RIN2: variants seen among roughly 807,000 people sequenced by gnomAD.
The protein encoded by RIN2 is RAB5 interacting protein 2.
RIN2 carries 36 observed loss-of-function variants against 78.0 expected under a neutral mutation model. The observed-to-expected ratio is 0.46, with a 90% confidence interval of 0.35 to 0.61. The LOEUF is 0.61. Ranked by LOEUF, RIN2 falls within the 20% of genes least tolerant of loss-of-function variation. The pLI, the probability that RIN2 is intolerant of heterozygous loss-of-function variation, is 0.00. For synonymous variants in RIN2, 466 were observed against 466.8 expected (o/e 1.00, Z 0.02); for missense variants, 1,087 against 1,159.7 (o/e 0.94, Z 0.91).
In RIN2 at chr20:19,808,009, A is replaced by G. The variant is rs1229186538; in HGVS notation, c.-37+8262A>G. On this transcript the variant is annotated intron_variant, in intron 2 of 12. Transcript: ENST00000255006. Reference sequence around the variant, plus strand: ...ATCACTGTTGTGTTCTTGGCCATCTAAAGAAGGTCTGCGGAAGAAACCTAA... The same window carrying G: ...ATCACTGTTGTGTTCTTGGCCATCTGAAGAAGGTCTGCGGAAGAAACCTAA... Among the ~76,000 whole-genome samples, 4 of 152,228 alleles carry G rather than the reference A, an allele frequency of 2.6e-5. No individual in the cohort carries two copies. In the South Asian group the frequency reaches 6.2e-4, roughly 24 times the overall value.
intron 2 of RIN2, among the ~76,000 whole-genome samples, chr20:19,805,310 C>G (rs890584347): frequency 6.6e-6 from 1 of 152,144 alleles, no homozygotes. Flanking sequence ...GGGCTCAATC[C>G]CACCATCACT....
At chr20:19,847,714 A>G (rs1302224235) in intron 2 of RIN2, among the ~76,000 whole-genome samples, 1 of 152,218 alleles carries the variant, frequency 6.6e-6, no homozygotes, top group Non-Finnish European at 1.5e-5. Context: ...TTTAAGTGGC[A>G]TTTTAGATAT....
chr20:19,760,800 A>T (rs2033609594), intron 1 of RIN2, among the ~76,000 whole-genome samples: 2 of 152,090 alleles, frequency 1.3e-5, no homozygotes, highest in Admixed American at 1.3e-4. Flanking sequence ...CAAGAATCCT[A>T]ATAGTTTCAG....
intron 2 of RIN2, among the ~76,000 whole-genome samples, chr20:19,854,349 C>A (rs375938646): frequency 6.6e-6 from 1 of 152,042 alleles, no homozygotes; most frequent in Admixed American, 6.6e-5. Context: ...CTTAGGATTG[C>A]CTTGGCAATG....
chr20:19,935,408 T>A (rs2146121426), intron 4 of RIN2: 1 of 1,306,920 alleles, frequency 7.7e-7, no homozygotes, highest in Admixed American at 3.6e-5. Flanking sequence ...GCACTTGAAC[T>A]TTATACTCTC....
intron 5 of RIN2, among the ~76,000 whole-genome samples, chr20:19,957,233 C>T (rs768581194): frequency 2.0e-5 from 3 of 152,212 alleles, no homozygotes; most frequent in Non-Finnish European, 4.4e-5. Flanking sequence ...TTCAAAAGTT[C>T]TGTGTCCACA....
rs1316863273 is a variant in RIN2 at position 20,001,082 on chromosome 20, C to T, written c.*146C>T. On this transcript the variant is annotated 3_prime_UTR_variant, in exon 13 of 13. Coordinates refer to ENST00000255006, the MANE Select transcript of RIN2 (RefSeq NM_018993.4). The stretch of plus-strand genomic sequence containing the variant: ...TAAGCCATCCACAGGCCAACTCGGC[C>T]AAGGGCAACTTTAGCCACGCAAGGT... The T allele has an allele frequency of 2.8e-6, 2 of 705,592 alleles. No homozygotes were observed. The highest frequency in any genetic ancestry group is 4.5e-6 in the Non-Finnish European group (2 of 440,602). The allele number at this position is 705,592 out of a possible 1,614,324, so 43.7% of individuals were successfully genotyped here. A position where few individuals can be genotyped will look rare whatever the true frequency, so the allele number is the denominator to read the frequency against.
intron 4 of RIN2, among the ~76,000 whole-genome samples, chr20:19,941,004 G>A (rs2040849213): frequency 6.6e-6 from 1 of 152,154 alleles, no homozygotes; most frequent in Non-Finnish European, 1.5e-5. Context: ...CTCTCCTGTA[G>A]CTGTCACTCC....
chr20:19,875,066 G>T (rs551962349), intron 2 of RIN2, among the ~76,000 whole-genome samples: 2 of 151,842 alleles, frequency 1.3e-5, no homozygotes, highest in African/African-American at 2.4e-5. Flanking sequence ...TTGCTATGTT[G>T]TCCAGGCTGG....
At chr20:19,996,586 A>G (rs2042974621) in intron 11 of RIN2, 93 bp from the exon 12 acceptor site, 2 of 1,317,104 alleles carry the variant, frequency 1.5e-6, no homozygotes, top group Admixed American at 1.8e-5. Context: ...AATACTAAAA[A>G]TACAAAACAT....
At chr20:19,823,580 C>G in intron 2 of RIN2, 1 of 1,504,494 alleles carries the variant, frequency 6.6e-7, no homozygotes, top group East Asian at 2.3e-5. Context: ...AGTTCTCTGG[C>G]TAAGGATTGG....
chr20:19,815,908 G>C (rs1487996578), intron 2 of RIN2, among the ~76,000 whole-genome samples: 2 of 152,212 alleles, frequency 1.3e-5, no homozygotes, highest in African/African-American at 4.8e-5. Flanking sequence ...GGTTCATATA[G>C]TTTGTAGCAA....
intron 2 of RIN2, among the ~76,000 whole-genome samples, chr20:19,840,155 T>C (rs1260820161): frequency 6.6e-6 from 1 of 152,364 alleles, no homozygotes; most frequent in African/African-American, 2.4e-5. Context: ...ACTTTTAGTT[T>C]TAGCCAACTC....
At chr20:19,958,274 A>G (rs1011751832) in intron 5 of RIN2, among the ~76,000 whole-genome samples, 5 of 152,360 alleles carry the variant, frequency 3.3e-5, no homozygotes, top group East Asian at 1.9e-4. Context: ...GTTTTGTTCT[A>G]TAGGATCAGG....
chr20:19,766,402 G>GTCTC (rs1322104222), intron 1 of RIN2, among the ~76,000 whole-genome samples: 2 of 152,104 alleles, frequency 1.3e-5, no homozygotes, highest in Non-Finnish European at 2.9e-5. Flanking sequence ...GGGATCAGAG[G>GTCTC]TAGAGTCATT....
At chr20:19,888,957 CT>C (rs2038320459) in intron 2 of RIN2, among the ~76,000 whole-genome samples, 1 of 152,232 alleles carries the variant, frequency 6.6e-6, no homozygotes, top group Admixed American at 6.5e-5. Flanking sequence ...TTCAGCTCCC[CT>C]TTTGTGGATG....
chr20:19,891,484 C>T (rs559531483), intron 3 of RIN2, among the ~76,000 whole-genome samples: 96 of 152,232 alleles, frequency 6.3e-4, no homozygotes, highest in African/African-American at 2.1e-3. Flanking sequence ...ACAGTGGAGC[C>T]GTATCTTACA....
intron 8 of RIN2, among the ~76,000 whole-genome samples, chr20:19,973,016 C>T (rs917653975): frequency 9.9e-5 from 15 of 151,998 alleles, no homozygotes; most frequent in African/African-American, 2.9e-4. Flanking sequence ...ATCATGTATT[C>T]GAAACCCAAT....
Position 19,910,393 on chromosome 20 carries a change from G to A in RIN2, c.57+20735G>A, listed in dbSNP as rs906718509. Reference sequence around the variant, plus strand: ...TCACCATGTTGGCCAGGCTGGTCTCGAACTCCTCACCTCAAGTCGTCTGTT... The same window carrying A: ...TCACCATGTTGGCCAGGCTGGTCTCAAACTCCTCACCTCAAGTCGTCTGTT... On this transcript the variant is annotated intron_variant, in intron 3 of 12. Coordinates refer to ENST00000255006, the MANE Select transcript of RIN2 (RefSeq NM_018993.4). 4.6e-4 allele frequency among the ~76,000 whole-genome samples: 57 copies of A among 123,042 alleles called. 1 individual carries two copies. The highest frequency in any genetic ancestry group is 5.1e-4 in the South Asian group (2 of 3,926). The allele number at this position is 123,042 out of a possible 152,430, so 80.7% of individuals were successfully genotyped here.
Sources: gnomAD v4.1 joint callset for allele counts (sites outside exome capture counted in the v4.1 genomes callset) on GRCh38, gnomAD v4.1.1 for gene constraint, MANE v1.5 for transcripts, NCBI Gene and HGNC (gene_info 2026-07-23, HGNC 2026-07-21) for gene names.